LUZP2: variants seen among roughly 807,000 people sequenced by gnomAD.
LUZP2 encodes the protein leucine zipper protein 2.
Under a neutral mutation model 51.6 loss-of-function variants are expected in LUZP2, and 52 were observed. The observed-to-expected ratio is 1.01, with a 90% CI of 0.81 to 1.27. The LOEUF (loss-of-function observed/expected upper bound fraction) is 1.27. Ranked by LOEUF, LUZP2 falls within the 50% of genes most tolerant of loss-of-function variation. The probability of loss-of-function intolerance (pLI) is 0.00; values close to 1 mark genes in which losing one functional copy is unlikely to be tolerated. For missense variants in LUZP2, 436 were observed against 395.4 expected (o/e 1.10, Z -0.87); for synonymous variants, 154 against 137.3 (o/e 1.12, Z -0.85).
In LUZP2 at chr11:24,665,927, A is replaced by ATT. The variant is rs111999558; in HGVS notation, c.63-63235_63-63234dup. ...ATCATTTGTTAGCTCGTTTGTTTCCATTTTTTTTACTACTACATGTATGTA... is the reference window on the plus strand; with the variant it reads ...ATCATTTGTTAGCTCGTTTGTTTCCATTTTTTTTTTACTACTACATGTATGTA... On this transcript the variant is annotated intron_variant, in intron 1 of 11. Transcript: ENST00000336930. Among the ~76,000 whole-genome samples the ATT allele has an allele frequency of 3.6e-4, 55 of 151,970 alleles. 1 individual carries two copies. The highest frequency in any genetic ancestry group is 1.3e-3 in the African/African-American group (52 of 41,454).
At chr11:24,539,635 T>A (rs1373670617) in intron 1 of LUZP2, among the ~76,000 whole-genome samples, 1 of 151,976 alleles carries the variant, frequency 6.6e-6, no homozygotes, top group Admixed American at 6.6e-5. Context: ...ATTTAAACTA[T>A]CTATGGACAT....
chr11:24,836,270 C>T (rs191718374), intron 5 of LUZP2, among the ~76,000 whole-genome samples: 2 of 151,864 alleles, frequency 1.3e-5, no homozygotes, highest in African/African-American at 4.8e-5. Flanking sequence ...AAGAATAGAG[C>T]AAGTACTCAT....
intron 9 of LUZP2, among the ~76,000 whole-genome samples, chr11:25,028,928 A>G (rs763790197): frequency 2.6e-5 from 4 of 152,186 alleles, no homozygotes; most frequent in Admixed American, 6.6e-5. Flanking sequence ...CAAAAGCTAA[A>G]CAAAAGGCAA....
intron 1 of LUZP2, among the ~76,000 whole-genome samples, chr11:24,631,692 G>C (rs1337851353): frequency 6.6e-6 from 1 of 151,842 alleles, no homozygotes; most frequent in Non-Finnish European, 1.5e-5. Flanking sequence ...TGGGTCTCAG[G>C]GTGATACTAG....
chr11:24,979,740 A>C (rs1046458058), intron 8 of LUZP2, among the ~76,000 whole-genome samples: 3 of 151,778 alleles, frequency 2.0e-5, no homozygotes, highest in Admixed American at 6.6e-5. Context: ...ATGCTAAGAA[A>C]AATCTCTCAA....
chr11:24,810,979 A>G (rs1481361152), intron 5 of LUZP2, among the ~76,000 whole-genome samples: 1 of 152,164 alleles, frequency 6.6e-6, no homozygotes, highest in East Asian at 1.9e-4. Context: ...CTGGGAGTTC[A>G]TGACAAGTAG....
At chr11:24,758,234 G>A (rs1859844239) in intron 4 of LUZP2, among the ~76,000 whole-genome samples, 1 of 151,998 alleles carries the variant, frequency 6.6e-6, no homozygotes, top group South Asian at 2.1e-4. Context: ...AGGAAAATGT[G>A]TTCTATGTTT....
intron 9 of LUZP2, among the ~76,000 whole-genome samples, chr11:25,003,016 T>C (rs1856733253): frequency 6.6e-6 from 1 of 152,178 alleles, no homozygotes. Context: ...TAGGCTGTAT[T>C]CATTCCTTAC....
At chr11:24,724,583 A>G (rs1054106325) in intron 1 of LUZP2, among the ~76,000 whole-genome samples, 2 of 152,164 alleles carry the variant, frequency 1.3e-5, no homozygotes, top group Non-Finnish European at 2.9e-5. Context: ...AAAATCAATC[A>G]ATCAATTAAT....
At chr11:24,532,128 T>A (rs11027981) in intron 1 of LUZP2, among the ~76,000 whole-genome samples, 33,590 of 150,744 alleles carry the variant, frequency 0.22, 3,984 homozygotes, top group Middle Eastern at 0.39. Context: ...GCCACTTTTT[T>A]AAATTTTTCC....
chr11:24,886,563 TAAG>T lies in LUZP2; in HGVS notation c.397-19422_397-19420del, dbSNP rs1852672316. Reference sequence around the variant, plus strand: ...CTTTACCTTTTTGCCTTTGATTTTATAAGAAGAACATTCTTTAAATTGTAAGAA... The same window carrying T: ...CTTTACCTTTTTGCCTTTGATTTTATAAGAACATTCTTTAAATTGTAAGAA... On this transcript the variant is annotated intron_variant, in intron 5 of 11. Transcript: ENST00000336930. 2.0e-5 allele frequency among the ~76,000 whole-genome samples: 3 copies of T among 152,212 alleles called. No individual in the cohort carries two copies. The South Asian group carries it at 6.2e-4, about 32-fold the overall frequency.
intron 1 of LUZP2, among the ~76,000 whole-genome samples, chr11:24,554,217 G>A (rs1486740935): frequency 6.6e-6 from 1 of 152,076 alleles, no homozygotes; most frequent in Non-Finnish European, 1.5e-5. Context: ...ATTTTCTAAG[G>A]AGCTGCTTTC....
At chr11:24,780,827 G>A (rs1849069857) in intron 5 of LUZP2, among the ~76,000 whole-genome samples, 1 of 152,040 alleles carries the variant, frequency 6.6e-6, no homozygotes, top group African/African-American at 2.4e-5. Context: ...TATAATATTG[G>A]TTTTGCACAG....
At chr11:24,755,885 T>C (rs1272232621) in intron 4 of LUZP2, among the ~76,000 whole-genome samples, 1 of 152,196 alleles carries the variant, frequency 6.6e-6, no homozygotes, top group Non-Finnish European at 1.5e-5. Flanking sequence ...TCTTTTTATC[T>C]GTAAAGAGTC....
intron 5 of LUZP2, among the ~76,000 whole-genome samples, chr11:24,833,871 G>A (rs1350318003): frequency 6.6e-6 from 1 of 152,160 alleles, no homozygotes; most frequent in Non-Finnish European, 1.5e-5. Flanking sequence ...CCCAAACACA[G>A]GAAGGTGGAG....
At chr11:24,902,940 T>A (rs1451973800) in intron 5 of LUZP2, among the ~76,000 whole-genome samples, 1 of 152,076 alleles carries the variant, frequency 6.6e-6, no homozygotes, top group Non-Finnish European at 1.5e-5. Flanking sequence ...AAAATAGCTT[T>A]AAGTGGAGAT....
intron 9 of LUZP2, among the ~76,000 whole-genome samples, chr11:25,016,404 A>T (rs191528078): frequency 3.5e-3 from 534 of 152,084 alleles, no homozygotes; most frequent in Non-Finnish European, 5.5e-3. Flanking sequence ...AACCTAAGTT[A>T]TTTTATTTTC....
chr11:25,004,495 T>G (rs1451790312), intron 9 of LUZP2, among the ~76,000 whole-genome samples: 2 of 152,148 alleles, frequency 1.3e-5, no homozygotes, highest in Admixed American at 1.3e-4. Flanking sequence ...CTCCAGATTT[T>G]GTTCAGGGCC....
chr11:24,548,029 T>G (rs1034271738), intron 1 of LUZP2, among the ~76,000 whole-genome samples: 2 of 151,942 alleles, frequency 1.3e-5, no homozygotes, highest in African/African-American at 4.8e-5. Context: ...AGAAGGACAA[T>G]TATTAAAAGG....
Sources: allele counts gnomAD v4.1 joint callset (sites outside exome capture counted in the v4.1 genomes callset), GRCh38; gene constraint gnomAD v4.1.1; transcripts MANE v1.5; gene names NCBI Gene and HGNC (gene_info 2026-07-23, HGNC 2026-07-21).